The following CLIC4 variants were observed in gnomAD, a reference collection of about 807,000 sequenced individuals.
CLIC4 encodes CLIC family member 4, also known as chloride intracellular channel protein 4.
Under a neutral mutation model 24.6 loss-of-function variants are expected in CLIC4, and 13 were observed. That is an observed-to-expected ratio of 0.53 (90% CI 0.34 to 0.84). CLIC4 has a LOEUF of 0.84. Ranked by LOEUF, CLIC4 falls within the 40% of genes least tolerant of loss-of-function variation. The pLI is 0.01. For synonymous variants in CLIC4, 104 were observed against 111.3 expected (o/e 0.93, Z 0.41); for missense variants, 227 against 301.7 (o/e 0.75, Z 1.83).
chr1:24,797,711 C>G, intron 1 of CLIC4, 31 bp from the exon 2 acceptor site: 3 of 1,501,776 alleles, frequency 2.0e-6, no homozygotes, highest in East Asian at 2.3e-5. Flanking sequence ...TCACTTTGAC[C>G]TTGTTTTTAA....
At chr1:24,813,645 C>G (rs1295553876) in intron 2 of CLIC4, among the ~76,000 whole-genome samples, 2 of 151,472 alleles carry the variant, frequency 1.3e-5, no homozygotes, top group Non-Finnish European at 2.9e-5. Flanking sequence ...TCTCAAACTC[C>G]TGACCTCAGG....
chr1:24,768,264 T>C (rs773624120), intron 1 of CLIC4, among the ~76,000 whole-genome samples: 17 of 152,222 alleles, frequency 1.1e-4, no homozygotes, highest in Non-Finnish European at 2.2e-4. Flanking sequence ...TACTTTTGAA[T>C]TATGGATTTT....
Position 24,827,724 on chromosome 1 carries a change from G to A in CLIC4, c.415+608G>A, listed in dbSNP as rs530023859. On this transcript the variant is annotated intron_variant, in intron 4 of 5. Coordinates refer to ENST00000374379, the MANE Select transcript of CLIC4 (RefSeq NM_013943.3). The stretch of plus-strand genomic sequence containing the variant: ...ATGTTTTCGCGGTAAGAGTTGTTTA[G>A]GTAGTACAGATGCAATTTTCTTTTA... 2.6e-5 allele frequency among the ~76,000 whole-genome samples: 4 copies of A among 152,108 alleles called. No homozygotes were observed. In the East Asian group the frequency reaches 5.8e-4, roughly 22 times the overall value.
chr1:24,764,686 T>C (rs985904303), intron 1 of CLIC4, among the ~76,000 whole-genome samples: 8 of 152,014 alleles, frequency 5.3e-5, no homozygotes, highest in African/African-American at 1.9e-4. Flanking sequence ...TACTCTGGTA[T>C]CTTCTGGCAT....
In CLIC4 at chr1:24,798,812, C is replaced by T. The variant is rs906998596; in HGVS notation, c.182+961C>T. Reference sequence around the variant, plus strand: ...CTGCGATTGCAGGCACGCGCCGCCACGCCTGACTGGTTTTGGTGGAGACGG... The same window carrying T: ...CTGCGATTGCAGGCACGCGCCGCCATGCCTGACTGGTTTTGGTGGAGACGG... On this transcript the variant is annotated intron_variant, in intron 2 of 5. Coordinates refer to ENST00000374379, the MANE Select transcript of CLIC4 (RefSeq NM_013943.3). 3.0e-3 allele frequency among the ~76,000 whole-genome samples: 458 copies of T among 152,322 alleles called. 1 individual carries two copies. Among genetic ancestry groups the T allele is most frequent in the Non-Finnish European group, 4.8e-3 (325 of 68,002 alleles).
At chr1:24,746,000 C>T (rs1441042026) in intron 1 of CLIC4, among the ~76,000 whole-genome samples, 8 of 150,848 alleles carry the variant, frequency 5.3e-5, no homozygotes, top group Admixed American at 4.0e-4. Context: ...CGCCGGGGCC[C>T]GGCCCCACCC....
At chr1:24,804,747 A>G (rs1639530036) in intron 2 of CLIC4, among the ~76,000 whole-genome samples, 1 of 152,108 alleles carries the variant, frequency 6.6e-6, no homozygotes, top group South Asian at 2.1e-4. Flanking sequence ...ATGTTTTTCT[A>G]AACCTGTTAT....
At chr1:24,827,172 G>T (rs1486186298) in intron 4 of CLIC4, 56 bp downstream of exon 4, 3 of 1,053,668 alleles carry the variant, frequency 2.8e-6, no homozygotes, top group Non-Finnish European at 4.3e-6. Context: ...ACAACAACAG[G>T]CTGTTATTAT....
chr1:24,800,729 T>G (rs1226594229), intron 2 of CLIC4, among the ~76,000 whole-genome samples: 1 of 152,208 alleles, frequency 6.6e-6, no homozygotes, highest in East Asian at 1.9e-4. Flanking sequence ...TAAGAAAAAT[T>G]CTTCTGCCTT....
At position 24,774,533 on chromosome 1, in the gene CLIC4, C is replaced by G. The variant is rs544695186; in HGVS notation, c.73-23209C>G. On this transcript the variant is annotated intron_variant, in intron 1 of 5. Transcript: ENST00000374379. ...TCTTGACTGGGCGTGGTGGCTCATG[C>G]CTGTAATCTCAGCACTTTGGGAGGC... Among the ~76,000 whole-genome samples, 3 of 152,212 alleles carry G rather than the reference C, an allele frequency of 2.0e-5. No homozygotes were observed. The South Asian group carries it at 6.2e-4, about 32-fold the overall frequency.
chr1:24,793,799 G>GT, intron 1 of CLIC4, among the ~76,000 whole-genome samples: 1 of 150,370 alleles, frequency 6.7e-6, no homozygotes, highest in South Asian at 2.1e-4. Context: ...CACTTTTTTT[G>GT]TTTTTGTTTT....
Position 24,763,289 on chromosome 1 carries a change from C to T in CLIC4, c.72+17664C>T, listed in dbSNP as rs138353376. The stretch of plus-strand genomic sequence containing the variant: ...GCATGCTGGCTCACTCCTGTAATCC[C>T]AGCACTTTGGGAGGCTGTGGTGGGC... On this transcript the variant is annotated intron_variant, in intron 1 of 5. Coordinates refer to ENST00000374379, the MANE Select transcript of CLIC4 (RefSeq NM_013943.3). Among the ~76,000 whole-genome samples, 137 of 152,206 alleles carry T rather than the reference C, an allele frequency of 9.0e-4. 1 individual carries two copies. Among genetic ancestry groups the T allele is most frequent in the African/African-American group, 3.2e-3 (134 of 41,546 alleles).
chr1:24,806,027 G>C (rs146163000), intron 2 of CLIC4, among the ~76,000 whole-genome samples: 60 of 152,306 alleles, frequency 3.9e-4, no homozygotes, highest in Non-Finnish European at 3.2e-4. Context: ...TTTGCACCCT[G>C]TTGCAAGGCA....
intron 1 of CLIC4, among the ~76,000 whole-genome samples, chr1:24,796,252 G>A (rs1278597545): frequency 6.6e-6 from 1 of 152,134 alleles, no homozygotes; most frequent in Non-Finnish European, 1.5e-5. Context: ...GCAGTGGCAC[G>A]ATGTCGGCTC....
chr1:24,758,265 T>C (rs1482770077), intron 1 of CLIC4, among the ~76,000 whole-genome samples: 1 of 151,874 alleles, frequency 6.6e-6, no homozygotes, highest in Non-Finnish European at 1.5e-5. Flanking sequence ...AAATTACTTA[T>C]AACCCCTTGA....
chr1:24,754,050 A>T (rs923225524), intron 1 of CLIC4, among the ~76,000 whole-genome samples: 4 of 152,204 alleles, frequency 2.6e-5, no homozygotes, highest in Non-Finnish European at 4.4e-5. Context: ...AATTCAGGAG[A>T]CAGAAATGAA....
rs1383206546 is a variant in CLIC4, at chr1:24,841,915, G to C, written c.*978G>C. 1 of 152,624 alleles carries C rather than the reference G, an allele frequency of 6.6e-6. No individual in the cohort carries two copies. The highest frequency in any genetic ancestry group is 1.5e-5 in the Non-Finnish European group (1 of 68,028). 9.5% of individuals were successfully genotyped at this position (152,624 alleles called of 1,614,324 possible). On this transcript the variant is annotated 3_prime_UTR_variant, in exon 6 of 6. Transcript: ENST00000374379. ...TAACACAGAAATTAACCTAAGGAATGAAGGGTGGGTTTGTCAAAATATCAA... is the reference window on the plus strand; with the variant it reads ...TAACACAGAAATTAACCTAAGGAATCAAGGGTGGGTTTGTCAAAATATCAA...
chr1:24,786,498 C>A (rs774869283), intron 1 of CLIC4, among the ~76,000 whole-genome samples: 1 of 152,172 alleles, frequency 6.6e-6, no homozygotes, highest in Non-Finnish European at 1.5e-5. Flanking sequence ...AGAAAATACT[C>A]CTTTTATAAG....
intron 1 of CLIC4, 53 bp downstream of exon 1, chr1:24,745,678 C>T: frequency 6.9e-7 from 1 of 1,455,706 alleles, no homozygotes; most frequent in Non-Finnish European, 9.2e-7. Flanking sequence ...TCCCTCCCGG[C>T]TGCGGGGAGC....
Sources: gnomAD v4.1 joint callset for allele counts (sites outside exome capture counted in the v4.1 genomes callset) on GRCh38, gnomAD v4.1.1 for gene constraint, MANE v1.5 for transcripts, NCBI Gene and HGNC (gene_info 2026-07-23, HGNC 2026-07-21) for gene names.